NXPE2: variants seen among roughly 807,000 people sequenced by gnomAD.
NXPE2 encodes neurexophilin and PC-esterase domain family member 2, also known as NXPE family member 2.
Under a neutral mutation model 34.4 loss-of-function variants are expected in NXPE2, and 34 were observed. The ratio of observed to expected loss-of-function variants is 0.99; its 90% confidence interval spans 0.75 to 1.31. The LOEUF is 1.31. NXPE2 is among the 40% of genes most tolerant of loss of function. The pLI, the probability that NXPE2 is intolerant of heterozygous loss-of-function variation, is 0.00. For missense variants in NXPE2, 649 were observed against 672.5 expected, an observed-to-expected ratio of 0.97 and a Z score of 0.39; for synonymous variants, 235 against 231.3, an observed-to-expected ratio of 1.02 and a Z score of -0.15.
the NXPE2 span, among the ~76,000 whole-genome samples, chr11:114,806,036 C>T: frequency 1.8e-4 from 27 of 152,170 alleles, no homozygotes; most frequent in Non-Finnish European, 3.5e-4. Flanking sequence ...TTGCAGTTCA[C>T]CAATATCCGC....
the NXPE2 span, among the ~76,000 whole-genome samples, chr11:114,533,671 C>T: frequency 2.6e-5 from 4 of 152,334 alleles, no homozygotes; most frequent in South Asian, 4.1e-4. Flanking sequence ...CCTACGCCCA[C>T]GGAGCCTTGC....
the NXPE2 span, among the ~76,000 whole-genome samples, chr11:114,797,381 T>C: frequency 6.6e-6 from 1 of 152,104 alleles, no homozygotes; most frequent in Non-Finnish European, 1.5e-5. Flanking sequence ...CACCCCACCT[T>C]CTTCTATTTT....
At chr11:114,611,655 G>T in the NXPE2 span, among the ~76,000 whole-genome samples, 1 of 150,734 alleles carries the variant, frequency 6.6e-6, no homozygotes, top group Admixed American at 6.6e-5. Flanking sequence ...ACTGTTACCT[G>T]GTGGATAATA....
chr11:114,467,030 G>C, the NXPE2 span, among the ~76,000 whole-genome samples: 1 of 152,184 alleles, frequency 6.6e-6, no homozygotes, highest in Non-Finnish European at 1.5e-5. Flanking sequence ...TTATGATACA[G>C]TAGTGATCCT....
the NXPE2 span, among the ~76,000 whole-genome samples, chr11:114,716,991 T>G: frequency 1.1e-4 from 16 of 152,296 alleles, no homozygotes; most frequent in Admixed American, 1.0e-3. Flanking sequence ...CTAAGAATAA[T>G]TTTTTAAAAA....
the NXPE2 span, among the ~76,000 whole-genome samples, chr11:114,632,433 T>C: frequency 1.5e-5 from 2 of 130,646 alleles, no homozygotes; most frequent in Non-Finnish European, 3.1e-5. Flanking sequence ...TAAATATAAA[T>C]ATATAATATA....
At chr11:114,644,765 A>C in the NXPE2 span, among the ~76,000 whole-genome samples, 2 of 151,996 alleles carry the variant, frequency 1.3e-5, no homozygotes, top group East Asian at 3.9e-4. Context: ...AGGGCCAAAA[A>C]TACATATCTA....
chr11:114,735,775 G>A, the NXPE2 span, among the ~76,000 whole-genome samples: 1 of 152,142 alleles, frequency 6.6e-6, no homozygotes, highest in Non-Finnish European at 1.5e-5. Flanking sequence ...ACAAATATCT[G>A]TCTCTATCTA....
At chr11:114,575,925 G>T in the NXPE2 span, among the ~76,000 whole-genome samples, 3 of 152,054 alleles carry the variant, frequency 2.0e-5, no homozygotes, top group African/African-American at 7.2e-5. Flanking sequence ...AAATCTGGAG[G>T]CATAACATTA....
chr11:114,678,439 A>T (rs527377127), upstream of NXPE2: 1 of 646,736 alleles, frequency 1.5e-6, no homozygotes, highest in East Asian at 2.9e-5. Flanking sequence ...TCCAGCTGGC[A>T]CGCTGTGGCC....
chr11:114,676,096 C>A (rs939161800), upstream of NXPE2, among the ~76,000 whole-genome samples: 3 of 151,732 alleles, frequency 2.0e-5, no homozygotes, highest in Non-Finnish European at 4.4e-5. Context: ...TAAAAAAAAT[C>A]CAACTGAAAA....
the NXPE2 span, among the ~76,000 whole-genome samples, chr11:114,772,730 G>A: frequency 6.6e-6 from 1 of 152,170 alleles, no homozygotes; most frequent in South Asian, 2.1e-4. Flanking sequence ...TTGTCCCTCT[G>A]AAAACAGGCC....
chr11:114,483,376 T>C, the NXPE2 span, among the ~76,000 whole-genome samples: 1 of 152,206 alleles, frequency 6.6e-6, no homozygotes, highest in South Asian at 2.1e-4. Flanking sequence ...CTTAGCTCTG[T>C]CACTTATTTG....
chr11:114,524,926 T>C, the NXPE2 span, among the ~76,000 whole-genome samples: 3 of 152,216 alleles, frequency 2.0e-5, no homozygotes, highest in Non-Finnish European at 2.9e-5. Context: ...TAGATGCTAA[T>C]CTGCTATGTT....
the NXPE2 span, among the ~76,000 whole-genome samples, chr11:114,553,109 T>A: frequency 2.0e-5 from 3 of 152,192 alleles, no homozygotes; most frequent in Admixed American, 2.0e-4. Context: ...AAAATTCCTA[T>A]TCATTGTTTG....
the NXPE2 span, among the ~76,000 whole-genome samples, chr11:114,811,189 G>A: frequency 8.7e-6 from 1 of 114,588 alleles, no homozygotes; most frequent in Non-Finnish European, 1.7e-5. Flanking sequence ...CTGTTGTGGG[G>A]TGGGGGGAGG....
the NXPE2 span, among the ~76,000 whole-genome samples, chr11:114,716,837 G>A: frequency 8.5e-5 from 13 of 152,154 alleles, no homozygotes; most frequent in South Asian, 1.7e-3. Flanking sequence ...GCAGTTTATC[G>A]ATTTTTTTTC....
the NXPE2 span, among the ~76,000 whole-genome samples, chr11:114,752,369 G>C: frequency 6.0e-4 from 92 of 152,194 alleles, no homozygotes; most frequent in African/African-American, 2.1e-3. Flanking sequence ...TTCATTTTGA[G>C]TTAGATGGAA....
At chr11:114,617,522 G>A in the NXPE2 span, among the ~76,000 whole-genome samples, 18 of 151,492 alleles carry the variant, frequency 1.2e-4, no homozygotes, top group Non-Finnish European at 2.1e-4. Flanking sequence ...GATAATACGT[G>A]TTGCCTCGTG....
Sources: allele counts gnomAD v4.1 joint callset (sites outside exome capture counted in the v4.1 genomes callset), GRCh38; gene constraint gnomAD v4.1.1; transcripts MANE v1.5; gene names NCBI Gene and HGNC (gene_info 2026-07-23, HGNC 2026-07-21).